WDR41: variants seen among roughly 807,000 people sequenced by gnomAD.
The protein encoded by WDR41 is WD repeat-containing protein 41.
Under a neutral mutation model 69.3 loss-of-function variants are expected in WDR41, and 63 were observed. That is an observed-to-expected ratio of 0.91 (90% CI 0.74 to 1.12). The LOEUF (loss-of-function observed/expected upper bound fraction) is 1.12, where lower values mean the gene tolerates loss of function less well. Among genes scored for constraint, WDR41 ranks in the 50% most tolerant of loss-of-function variants. The probability of loss-of-function intolerance (pLI) is 0.00; values close to 1 mark genes in which losing one functional copy is unlikely to be tolerated. For missense variants in WDR41, 543 were observed against 534.5 expected (o/e 1.02, Z -0.16); for synonymous variants, 185 against 192.1 (o/e 0.96, Z 0.31).
chr5:77,491,806 G>A (rs1037903753), intron 1 of WDR41: 3 of 263,382 alleles, frequency 1.1e-5, no homozygotes, highest in African/African-American at 2.2e-5. Context: ...TAGCTAAATC[G>A]TATACTTTTT....
At chr5:77,608,410 A>C (rs1419361332) in intron 1 of WDR41, among the ~76,000 whole-genome samples, 14 of 152,246 alleles carry the variant, frequency 9.2e-5, no homozygotes, top group South Asian at 2.1e-4. Flanking sequence ...ATTCATGCCC[A>C]AAAACATTGG....
chr5:77,546,195 G>T (rs544795950), intron 1 of WDR41: 41 of 423,444 alleles, frequency 9.7e-5, no homozygotes, highest in African/African-American at 8.0e-4. Flanking sequence ...GTAATTCACT[G>T]ACCACCTCGT....
intron 2 of WDR41, among the ~76,000 whole-genome samples, chr5:77,486,051 A>G (rs1449506192): frequency 2.0e-5 from 3 of 152,256 alleles, no homozygotes; most frequent in Non-Finnish European, 4.4e-5. Flanking sequence ...TTGACAATGC[A>G]TAATGTACAT....
chr5:77,432,393 A>G lies in WDR41; in HGVS notation c.*742T>C, dbSNP rs1581682444. The G allele has an allele frequency of 6.5e-6, 1 of 152,764 alleles. No homozygotes were observed. The highest frequency in any genetic ancestry group is 1.9e-4 in the East Asian group (1 of 5,184). The allele number at this position is 152,764 out of a possible 1,614,324, so 9.5% of individuals were successfully genotyped here. A position where few individuals can be genotyped will look rare whatever the true frequency, so the allele number is the denominator to read the frequency against. On this transcript the variant is annotated 3_prime_UTR_variant, in exon 13 of 13. Transcript: ENST00000296679. Reference sequence around the variant, plus strand: ...ATTTGAGTCAGTGGTCAGATGGGGCAGTTGCGCTCAGCTGCAGTCCCTGAC... The same window carrying G: ...ATTTGAGTCAGTGGTCAGATGGGGCGGTTGCGCTCAGCTGCAGTCCCTGAC...
chr5:77,463,747 T>A lies in WDR41; in HGVS notation c.217-521A>T, dbSNP rs1800170643. ...TAACACCAACATCTATTCCTACCCA[T>A]CCAGTGTCTTCATCCATCAGTCTCT... On this transcript the variant is annotated intron_variant, in intron 3 of 12. Coordinates refer to ENST00000296679, the MANE Select transcript of WDR41 (RefSeq NM_018268.4). Among the ~76,000 whole-genome samples, 4 of 152,190 alleles carry A rather than the reference T, an allele frequency of 2.6e-5. No homozygotes were observed. In the South Asian group the frequency reaches 8.3e-4, roughly 32 times the overall value.
At chr5:77,594,599 A>G (rs910815267) in intron 1 of WDR41, among the ~76,000 whole-genome samples, 1 of 152,192 alleles carries the variant, frequency 6.6e-6, no homozygotes, top group Non-Finnish European at 1.5e-5. Flanking sequence ...TGACACCAGT[A>G]ACCATTTCTT....
Position 77,438,236 on chromosome 5 carries a change from G to T in WDR41, c.1004+4C>A. 6.2e-7 allele frequency: 1 copy of T among 1,613,900 alleles called. No individual in the cohort carries two copies. The highest frequency in any genetic ancestry group is 8.5e-7 in the Non-Finnish European group (1 of 1,179,832). ...TCTATTGCAGAACAGATGGGAACTT[G>T]TACCTGTTTGGAAGTCTGGCAACGT... On this transcript the variant is annotated splice_donor_region_variant and intron_variant, in intron 10 of 12. Coordinates refer to ENST00000296679, the MANE Select transcript of WDR41 (RefSeq NM_018268.4).
At chr5:77,572,536 T>G (rs1367152756) in intron 1 of WDR41, among the ~76,000 whole-genome samples, 2 of 152,228 alleles carry the variant, frequency 1.3e-5, no homozygotes, top group African/African-American at 4.8e-5. Flanking sequence ...TAAATAGTGT[T>G]GAGTCATTAT....
intron 1 of WDR41, among the ~76,000 whole-genome samples, chr5:77,530,559 C>T (rs1802512481): frequency 6.6e-6 from 1 of 151,460 alleles, no homozygotes; most frequent in African/African-American, 2.4e-5. Flanking sequence ...CTAGAATAGG[C>T]AAAACTAATC....
intron 1 of WDR41, among the ~76,000 whole-genome samples, chr5:77,586,874 ACG>A (rs1289253325): frequency 5.3e-5 from 8 of 150,224 alleles, no homozygotes; most frequent in African/African-American, 2.0e-4. Flanking sequence ...ACGTGCCAGT[ACG>A]CCTGGCTAAT....
intron 1 of WDR41, among the ~76,000 whole-genome samples, chr5:77,587,112 C>T (rs531161437): frequency 6.9e-6 from 1 of 144,178 alleles, no homozygotes; most frequent in Non-Finnish European, 1.5e-5. Context: ...CTCTCTTGCC[C>T]CTTCTCAGTG....
chr5:77,534,582 C>T (rs546404978), intron 1 of WDR41, among the ~76,000 whole-genome samples: 8 of 152,112 alleles, frequency 5.3e-5, no homozygotes, highest in African/African-American at 1.9e-4. Flanking sequence ...TACAGGCATG[C>T]ACCACCACGC....
chr5:77,553,980 C>A (rs564814826), intron 1 of WDR41, among the ~76,000 whole-genome samples: 103 of 152,128 alleles, frequency 6.8e-4, no homozygotes, highest in Middle Eastern at 3.4e-3. Flanking sequence ...ACATAAAAAC[C>A]CAAATAATTA....
At chr5:77,597,897 G>A (rs577068277) in intron 1 of WDR41, among the ~76,000 whole-genome samples, 16 of 152,196 alleles carry the variant, frequency 1.1e-4, no homozygotes, top group African/African-American at 3.9e-4. Context: ...AGTGTTTTTT[G>A]AACATCAGAG....
At chr5:77,483,212 A>G (rs1801361650) in intron 2 of WDR41, among the ~76,000 whole-genome samples, 1 of 152,078 alleles carries the variant, frequency 6.6e-6, no homozygotes, top group Non-Finnish European at 1.5e-5. Flanking sequence ...ATCACAGCTC[A>G]CTGCAGCCTC....
chr5:77,513,666 C>G (rs1213669066), intron 1 of WDR41, among the ~76,000 whole-genome samples: 2 of 151,994 alleles, frequency 1.3e-5, no homozygotes, highest in Non-Finnish European at 2.9e-5. Context: ...ACCTTTTTTC[C>G]TTCATAAAAA....
chr5:77,527,896 A>C (rs974929669), intron 1 of WDR41, among the ~76,000 whole-genome samples: 1 of 151,826 alleles, frequency 6.6e-6, no homozygotes, highest in Admixed American at 6.6e-5. Flanking sequence ...CAAAATATCA[A>C]AACTTGTAAG....
At chr5:77,481,588 C>T (rs1801264130) in intron 2 of WDR41, among the ~76,000 whole-genome samples, 1 of 151,916 alleles carries the variant, frequency 6.6e-6, no homozygotes, top group Non-Finnish European at 1.5e-5. Flanking sequence ...AGTTCGAGAC[C>T]AGCCTGGCCA....
chr5:77,443,894 TTTTTTTG>T (rs772354539), intron 8 of WDR41, among the ~76,000 whole-genome samples: 2,670 of 98,578 alleles, frequency 0.027, 35 homozygotes, highest in Middle Eastern at 0.072. Flanking sequence ...TTTTTTTTTT[TTTTTTTG>T]AAATGAAGTC....
Sources: allele counts gnomAD v4.1 joint callset (sites outside exome capture counted in the v4.1 genomes callset), GRCh38; gene constraint gnomAD v4.1.1; transcripts MANE v1.5; gene names NCBI Gene and HGNC (gene_info 2026-07-23, HGNC 2026-07-21).